Variants in MATCAP2 observed in about 807,000 individuals in gnomAD.
MATCAP2 encodes the protein microtubule associated tyrosine carboxypeptidase 2, also known as putative tyrosine carboxypeptidase MATCAP2.
chr7:36,350,072 A>C, the MATCAP2 span, among the ~76,000 whole-genome samples: 596 of 152,362 alleles, frequency 3.9e-3, 9 homozygotes, highest in African/African-American at 0.014. Flanking sequence ...AATTTAAAGA[A>C]GGCTTACTTT....
the MATCAP2 span, among the ~76,000 whole-genome samples, chr7:36,375,697 G>A: frequency 2.6e-5 from 4 of 152,126 alleles, no homozygotes; most frequent in African/African-American, 7.2e-5. Context: ...GGTACAATTC[G>A]GCTGTGAATC....
the MATCAP2 span, among the ~76,000 whole-genome samples, chr7:36,364,480 A>T: frequency 6.6e-5 from 10 of 152,222 alleles, no homozygotes. Context: ...GCATATACTA[A>T]TAAGTCAAAA....
the MATCAP2 span, among the ~76,000 whole-genome samples, chr7:36,387,067 A>C: frequency 6.6e-6 from 1 of 152,242 alleles, no homozygotes; most frequent in Non-Finnish European, 1.5e-5. Flanking sequence ...AGTGAACATG[A>C]ATGAAATGCA....
chr7:36,353,012 TA>T, the MATCAP2 span, among the ~76,000 whole-genome samples: 2 of 152,030 alleles, frequency 1.3e-5, no homozygotes, highest in African/African-American at 4.8e-5. Context: ...CAGTGGCCCA[TA>T]CCTGTAATCT....
the MATCAP2 span, among the ~76,000 whole-genome samples, chr7:36,345,229 C>A: frequency 1.3e-5 from 2 of 152,120 alleles, no homozygotes; most frequent in African/African-American, 4.8e-5. Flanking sequence ...AACAAAAAAA[C>A]CCATATTTTT....
the MATCAP2 span, chr7:36,356,758 C>T: frequency 2.8e-6 from 2 of 720,826 alleles, no homozygotes; most frequent in Admixed American, 2.3e-5. Flanking sequence ...CGTCTTGTCG[C>T]ACATTTACAT....
the MATCAP2 span, among the ~76,000 whole-genome samples, chr7:36,339,303 T>C: frequency 1.3e-5 from 2 of 152,228 alleles, no homozygotes; most frequent in Non-Finnish European, 2.9e-5. Flanking sequence ...CATATATCAT[T>C]AAGTTATCAT....
the MATCAP2 span, among the ~76,000 whole-genome samples, chr7:36,358,488 G>A: frequency 2.0e-5 from 3 of 152,216 alleles, no homozygotes; most frequent in Non-Finnish European, 4.4e-5. Context: ...AGAAAAACAA[G>A]GGTTTTTTCT....
the MATCAP2 span, among the ~76,000 whole-genome samples, chr7:36,382,831 G>A: frequency 6.6e-6 from 1 of 152,126 alleles, no homozygotes; most frequent in Non-Finnish European, 1.5e-5. Context: ...GAAAAGAAAA[G>A]TTACCAATAT....
At chr7:36,328,240 A>G in the MATCAP2 span, among the ~76,000 whole-genome samples, 10,397 of 67,858 alleles carry the variant, frequency 0.15, 1,231 homozygotes, top group African/African-American at 0.18. Flanking sequence ...TTGTTTTTGT[A>G]GGGGGGGGGG....
chr7:36,350,319 A>C, the MATCAP2 span, among the ~76,000 whole-genome samples: 1 of 152,208 alleles, frequency 6.6e-6, no homozygotes, highest in East Asian at 1.9e-4. Context: ...TTAATATAAC[A>C]ATGAATTGCC....
chr7:36,339,853 T>A, the MATCAP2 span, among the ~76,000 whole-genome samples: 1 of 152,218 alleles, frequency 6.6e-6, no homozygotes, highest in African/African-American at 2.4e-5. Context: ...TTTTTTTATT[T>A]TCTTGAAACG....
chr7:36,357,442 A>C, the MATCAP2 span: 1 of 1,614,130 alleles, frequency 6.2e-7, no homozygotes. Flanking sequence ...GTAGTAGGAC[A>C]TTGTAACTAC....
chr7:36,359,405 C>T, the MATCAP2 span, among the ~76,000 whole-genome samples: 1 of 152,016 alleles, frequency 6.6e-6, no homozygotes. Context: ...TTTTTAAAAC[C>T]CAGGAGTCAC....
the MATCAP2 span, among the ~76,000 whole-genome samples, chr7:36,364,914 G>A: frequency 1.5e-3 from 223 of 152,256 alleles, 2 homozygotes; most frequent in South Asian, 3.7e-3. Flanking sequence ...GGTCTCAAAT[G>A]GCTATTTGAA....
At chr7:36,336,597 T>C in the MATCAP2 span, among the ~76,000 whole-genome samples, 1 of 152,032 alleles carries the variant, frequency 6.6e-6, no homozygotes, top group African/African-American at 2.4e-5. Flanking sequence ...GCTGAGAAGC[T>C]GGGGAGAGGG....
chr7:36,333,551 C>CA, the MATCAP2 span, among the ~76,000 whole-genome samples: 2 of 149,830 alleles, frequency 1.3e-5, no homozygotes, highest in African/African-American at 4.9e-5. Flanking sequence ...TTTAAAAAGT[C>CA]AAAGACAGAG....
At chr7:36,383,897 G>C in the MATCAP2 span, 1 of 1,604,468 alleles carries the variant, frequency 6.2e-7, no homozygotes, top group Non-Finnish European at 8.5e-7. Flanking sequence ...TCTTGCCACT[G>C]CCTTATGATT....
chr7:36,329,172 T>C, the MATCAP2 span, among the ~76,000 whole-genome samples: 1 of 152,200 alleles, frequency 6.6e-6, no homozygotes, highest in Non-Finnish European at 1.5e-5. Flanking sequence ...GTAATCAAAA[T>C]AGGTTTGTTG....
Sources: gnomAD v4.1 joint callset for allele counts (sites outside exome capture counted in the v4.1 genomes callset) on GRCh38, gnomAD v4.1.1 for gene constraint, MANE v1.5 for transcripts, NCBI Gene and HGNC (gene_info 2026-07-23, HGNC 2026-07-21) for gene names.